Variants in SNRPN observed in about 807,000 individuals in gnomAD.
SNRPN encodes the protein small nuclear ribonucleoprotein-associated protein N.
SNRPN carries 7 observed loss-of-function variants against 25.2 expected under a neutral mutation model. That is an observed-to-expected ratio of 0.28 (90% CI 0.16 to 0.52). The LOEUF (loss-of-function observed/expected upper bound fraction) is 0.52, where lower values mean the gene tolerates loss of function less well. Among genes scored for constraint, SNRPN ranks in the 20% least tolerant of loss-of-function variants. The probability of loss-of-function intolerance (pLI) is 0.96; values close to 1 mark genes in which losing one functional copy is unlikely to be tolerated. For missense variants in SNRPN, 196 were observed against 322.5 expected, an observed-to-expected ratio of 0.61 and a Z score of 3.00; for synonymous variants, 124 against 110.6, an observed-to-expected ratio of 1.12 and a Z score of -0.76.
At chr15:24,865,907 C>T (rs1279148549) in intron 1 of SNRPN, among the ~76,000 whole-genome samples, 1 of 152,134 alleles carries the variant, frequency 6.6e-6, no homozygotes, top group Non-Finnish European at 1.5e-5. Context: ...TCCCTGCGGT[C>T]CTGTCTGTTC....
At chr15:24,878,396 G>A (rs1181272405) in intron 1 of SNRPN, among the ~76,000 whole-genome samples, 1 of 152,200 alleles carries the variant, frequency 6.6e-6, no homozygotes, top group Non-Finnish European at 1.5e-5. Context: ...GGGGAGAACG[G>A]CAGCCCGCAG....
chr15:24,854,606 A>G (rs1179070108), upstream of SNRPN, among the ~76,000 whole-genome samples: 4 of 152,114 alleles, frequency 2.6e-5, no homozygotes, highest in Admixed American at 1.3e-4. Context: ...TTCCTTCTCA[A>G]TAGATTTATT....
At chr15:24,826,477 C>T (rs945265014) in intron 1 of SNRPN, among the ~76,000 whole-genome samples, 1 of 152,036 alleles carries the variant, frequency 6.6e-6, no homozygotes, top group African/African-American at 2.4e-5. Context: ...CGTAATTTAC[C>T]CATTCTTGGT....
At chr15:24,866,342 G>A (rs2054568873) in intron 1 of SNRPN, among the ~76,000 whole-genome samples, 1 of 152,096 alleles carries the variant, frequency 6.6e-6, no homozygotes. Context: ...TAATTAACAT[G>A]TGTATTACCT....
chr15:24,866,447 G>A (rs1205146055), intron 1 of SNRPN, among the ~76,000 whole-genome samples: 2 of 152,060 alleles, frequency 1.3e-5, no homozygotes, highest in Non-Finnish European at 2.9e-5. Context: ...ACCTAGGCTG[G>A]AGTGCAGTGG....
rs1329147665 is a variant in SNRPN, at chr15:24,871,957, A to G, written c.-578-14559A>G. On this transcript the variant is annotated intron_variant, in intron 1 of 11. Coordinates refer to the SNRPN transcript ENST00000400097. The stretch of plus-strand genomic sequence containing the variant: ...CCTGACTTCATGATTCGCCCACCTC[A>G]GCCTCCCAAAGTGCTAGGATTACAG... 1.1e-4 allele frequency among the ~76,000 whole-genome samples: 13 copies of G among 119,788 alleles called. 1 individual carries two copies. The highest frequency in any genetic ancestry group is 2.3e-4 in the African/African-American group (8 of 35,186). The allele number at this position is 119,788 out of a possible 152,430, so 78.6% of individuals were successfully genotyped here.
intron 3 of SNRPN, among the ~76,000 whole-genome samples, chr15:24,932,287 T>G (rs1332730217): frequency 6.6e-6 from 1 of 152,218 alleles, no homozygotes; most frequent in Non-Finnish European, 1.5e-5. Context: ...CAGGCTGAAG[T>G]GCAATGGTGC....
intron 1 of SNRPN, among the ~76,000 whole-genome samples, chr15:24,862,336 G>C (rs1220727886): frequency 6.6e-6 from 1 of 150,890 alleles, no homozygotes; most frequent in East Asian, 1.9e-4. Flanking sequence ...GCCCATGAGA[G>C]GGGCTCTGCA....
intron 1 of SNRPN, among the ~76,000 whole-genome samples, chr15:24,865,005 C>G (rs543340762): frequency 6.6e-6 from 1 of 150,726 alleles, no homozygotes; most frequent in South Asian, 2.1e-4. Flanking sequence ...CAAACATGCA[C>G]GTAACCTATG....
Position 24,944,077 on chromosome 15 carries a change from C to T in SNRPN, c.-390-18037C>T, listed in dbSNP as rs567115375. 2.6e-5 allele frequency among the ~76,000 whole-genome samples: 4 copies of T among 152,314 alleles called. No individual in the cohort carries two copies. The South Asian group carries it at 6.2e-4, about 24-fold the overall frequency. ...CCTCAAGTGATCTATCTGCCTCAGC[C>T]TCCCAGAGTGCTGGGATTACAGGCA... is the stretch of plus-strand genomic sequence containing the variant. On this transcript the variant is annotated intron_variant, in intron 3 of 11. Coordinates refer to the SNRPN transcript ENST00000400097.
rs554678743 is a variant in SNRPN at position 24,848,149 on chromosome 15, G to A, written c.-579+18244G>A. ...CCTCACAGGGCGGCCCGCAGCAAAT[G>A]CGCCACTGTCCGGTGCGGCCAACCA... is the stretch of plus-strand genomic sequence containing the variant. On this transcript the variant is annotated intron_variant, in intron 2 of 12. Coordinates refer to the SNRPN transcript ENST00000400100. Among the ~76,000 whole-genome samples, 10 of 148,934 alleles carry A rather than the reference G, an allele frequency of 6.7e-5. 1 individual carries two copies. The highest frequency in any genetic ancestry group is 6.1e-4 in the Admixed American group (9 of 14,796).
intron 3 of SNRPN, among the ~76,000 whole-genome samples, chr15:24,928,302 A>G (rs547515660): frequency 3.3e-5 from 5 of 152,300 alleles, no homozygotes; most frequent in Non-Finnish European, 5.9e-5. Flanking sequence ...ATTATTCACG[A>G]TAGCCAAGAT....
At chr15:24,858,312 G>A (rs1239904780) in intron 1 of SNRPN, among the ~76,000 whole-genome samples, 1 of 152,146 alleles carries the variant, frequency 6.6e-6, no homozygotes, top group Non-Finnish European at 1.5e-5. Flanking sequence ...ATGAACAAGG[G>A]CAGCTTGGAG....
upstream of SNRPN, among the ~76,000 whole-genome samples, chr15:24,856,123 CAG>C (rs1375070385): frequency 6.6e-6 from 1 of 152,058 alleles, no homozygotes; most frequent in African/African-American, 2.4e-5. Flanking sequence ...TCATTTAACA[CAG>C]AATTTTCTCT....
In SNRPN at chr15:24,881,601, GAGAGAGAGAGAGAGAGAGA is replaced by G. The variant is rs1256682191; in HGVS notation, c.-578-4913_-578-4895del. 2.6e-3 allele frequency among the ~76,000 whole-genome samples: 154 copies of G among 58,376 alleles called. No individual in the cohort carries two copies. The East Asian group carries it at 0.053, about 20-fold the overall frequency. 38.3% of individuals were successfully genotyped at this position (58,376 alleles called of 152,430 possible). A position where few individuals can be genotyped will look rare whatever the true frequency, so the allele number is the denominator to read the frequency against. On this transcript the variant is annotated intron_variant, in intron 1 of 11. Transcript: ENST00000400097. ...GGAGGGAGGGAGAGAGAGAGAGAGA[GAGAGAGAGAGAGAGAGAGA>G]AAGTCACAGTAAGGCACCCTAGCAG...
exon 3 of SNRPN, chr15:24,920,110 TCTA>T (rs2059943009): frequency 6.6e-6 from 1 of 152,182 alleles, no homozygotes. Context: ...AGTGGCTGAA[TCTA>T]CTTTCTCTTA....
rs192244201 is a variant in SNRPN, at chr15:24,865,173, A to C, written c.-579+8457A>C. On this transcript the variant is annotated intron_variant, in intron 1 of 11. Transcript: ENST00000400097. ...GCGATTCACCTGCCTCAGCCTCCCAAATAACTGGGATTACGGGCACCTGCC... is the reference window on the plus strand; with the variant it reads ...GCGATTCACCTGCCTCAGCCTCCCACATAACTGGGATTACGGGCACCTGCC... Among the ~76,000 whole-genome samples, 3 of 151,898 alleles carry C rather than the reference A, an allele frequency of 2.0e-5. No individual in the cohort carries two copies. In the East Asian group the frequency reaches 5.9e-4, roughly 30 times the overall value.
At chr15:24,862,029 C>T (rs773047824) in intron 1 of SNRPN, among the ~76,000 whole-genome samples, 6 of 151,010 alleles carry the variant, frequency 4.0e-5, no homozygotes, top group Non-Finnish European at 8.8e-5. Flanking sequence ...CCTGTTCACA[C>T]CTGTTCTGTA....
intron 2 of SNRPN, among the ~76,000 whole-genome samples, chr15:24,914,341 G>C (rs999728752): frequency 6.6e-6 from 1 of 152,096 alleles, no homozygotes; most frequent in African/African-American, 2.4e-5. Flanking sequence ...TTCCATTCCA[G>C]GAAGTACCTT....
Sources: allele counts gnomAD v4.1 joint callset (sites outside exome capture counted in the v4.1 genomes callset), GRCh38; gene constraint gnomAD v4.1.1; transcripts MANE v1.5; gene names NCBI Gene and HGNC (gene_info 2026-07-23, HGNC 2026-07-21).